Variants in RB1 observed in about 807,000 individuals in gnomAD.
The protein encoded by RB1 is RB transcriptional corepressor 1.
In RB1, 18 loss-of-function variants were observed where a neutral mutation model predicts 135.4. That is an observed-to-expected ratio of 0.13 (90% confidence interval 0.09 to 0.20). RB1 has a LOEUF of 0.20. RB1 is among the 10% of genes least tolerant of loss of function. RB1 has a pLI of 1.00. For synonymous variants in RB1, 365 were observed against 373.2 expected, an observed-to-expected ratio of 0.98 and a Z score of 0.25; for missense variants, 868 against 1,110.0, an observed-to-expected ratio of 0.78 and a Z score of 3.10.
At position 48,359,636 on chromosome 13, in the gene RB1, G is replaced by A. The variant is rs1030367711; in HGVS notation, c.608-381G>A. Among the ~76,000 whole-genome samples the A allele has an allele frequency of 6.1e-5, 9 of 148,662 alleles. No individual in the cohort carries two copies. The South Asian group carries it at 6.3e-4, about 10-fold the overall frequency. On this transcript the variant is annotated intron_variant, in intron 6 of 26. Coordinates refer to ENST00000267163, the MANE Select transcript of RB1 (RefSeq NM_000321.3). ...TTTATAAAATTAGAATTAAAGATTA[G>A]CATTTATCATACTTCAAAATCTTTC...
intron 17 of RB1, among the ~76,000 whole-genome samples, chr13:48,438,614 A>C (rs1449998925): frequency 6.6e-6 from 1 of 152,098 alleles, no homozygotes; most frequent in Non-Finnish European, 1.5e-5. Context: ...AAGGCTCTGA[A>C]ATCAAACAGT....
At chr13:48,413,064 A>T (rs1169919925) in intron 17 of RB1, 2 of 167,144 alleles carry the variant, frequency 1.2e-5, no homozygotes, top group African/African-American at 4.8e-5. Context: ...CTCTTGTTGA[A>T]TTGAGGCCTT....
intron 1 of RB1, among the ~76,000 whole-genome samples, chr13:48,305,551 C>G (rs1952073893): frequency 1.3e-5 from 2 of 152,116 alleles, no homozygotes; most frequent in South Asian, 2.1e-4. Flanking sequence ...TGTAGGGTAA[C>G]CAGGAATATT....
intron 2 of RB1, among the ~76,000 whole-genome samples, chr13:48,316,013 TTTTTTAC>T (rs1952178534): frequency 1.3e-5 from 2 of 152,286 alleles, no homozygotes; most frequent in Non-Finnish European, 2.9e-5. Flanking sequence ...CATCTATTGT[TTTTTTAC>T]TTTATTTTCC....
intron 2 of RB1, among the ~76,000 whole-genome samples, chr13:48,309,239 T>C (rs1008834494): frequency 6.6e-6 from 1 of 152,196 alleles, no homozygotes; most frequent in African/African-American, 2.4e-5. Flanking sequence ...ATTGCTAGAT[T>C]ACACTTCAGA....
intron 6 of RB1, among the ~76,000 whole-genome samples, chr13:48,349,648 C>T (rs1211366516): frequency 2.6e-5 from 4 of 151,824 alleles, no homozygotes; most frequent in Non-Finnish European, 5.9e-5. Context: ...CACAAAACAA[C>T]CAGAAAACAA....
At chr13:48,463,936 TTCTG>T in intron 21 of RB1, 101 bp downstream of exon 21, 1 of 748,256 alleles carries the variant, frequency 1.3e-6, no homozygotes, top group East Asian at 2.5e-5. Context: ...AGATCATATA[TTCTG>T]TCTGACCTTA....
chr13:48,397,669 A>T (rs909560250), intron 17 of RB1, among the ~76,000 whole-genome samples: 1 of 152,028 alleles, frequency 6.6e-6, no homozygotes, highest in East Asian at 1.9e-4. Context: ...TTTAAAATAT[A>T]TCTTTCAAAT....
intron 2 of RB1, 31 bp downstream of exon 2, chr13:48,307,437 T>G (rs771067281): frequency 3.7e-5 from 60 of 1,604,348 alleles, no homozygotes; most frequent in Non-Finnish European, 4.7e-5. Context: ...TTTTGAAATT[T>G]TTTTTTCTCA....
intron 23 of RB1, among the ~76,000 whole-genome samples, chr13:48,471,356 A>G (rs1244325668): frequency 3.0e-4 from 23 of 75,502 alleles, no homozygotes; most frequent in Non-Finnish European, 8.1e-5. Context: ...TGGGAATTGA[A>G]CAATGAGATC....
chr13:48,375,969 C>G (rs1309972123), intron 12 of RB1, among the ~76,000 whole-genome samples: 1 of 151,838 alleles, frequency 6.6e-6, no homozygotes, highest in African/African-American at 2.4e-5. Context: ...ATCTTTGTAG[C>G]TGATGAGAAT....
chr13:48,322,813 A>T (rs1952252603), intron 2 of RB1, among the ~76,000 whole-genome samples: 1 of 152,142 alleles, frequency 6.6e-6, no homozygotes, highest in Admixed American at 6.5e-5. Flanking sequence ...ATGGTGTAGT[A>T]TATTAGTTGA....
chr13:48,445,434 T>C (rs995541572), intron 17 of RB1, among the ~76,000 whole-genome samples: 1 of 152,248 alleles, frequency 6.6e-6, no homozygotes, highest in African/African-American at 2.4e-5. Context: ...CAACCTCTTC[T>C]TTAGCAACCT....
intron 19 of RB1, 27 bp downstream of exon 19, chr13:48,456,376 A>G (rs761452701): frequency 2.2e-5 from 35 of 1,611,990 alleles, no homozygotes; most frequent in Admixed American, 5.0e-5. Context: ...TTTCAAGAGC[A>G]TGGACTCTGA....
At chr13:48,324,935 AC>A (rs1952274223) in intron 2 of RB1, among the ~76,000 whole-genome samples, 1 of 151,902 alleles carries the variant, frequency 6.6e-6, no homozygotes, top group South Asian at 2.1e-4. Flanking sequence ...ATATGCATCA[AC>A]AATTTATTTA....
At position 48,354,429 on chromosome 13, in the gene RB1, G is replaced by A. The variant is rs566840121; in HGVS notation, c.607+5406G>A. On this transcript the variant is annotated intron_variant, in intron 6 of 26. Transcript: ENST00000267163. Reference sequence around the variant, plus strand: ...TAGAATACTGATGAAAGAAATTGAAGAGCACACCAAAAAAATGGAAAAAAA... The same window carrying A: ...TAGAATACTGATGAAAGAAATTGAAAAGCACACCAAAAAAATGGAAAAAAA... 3.3e-5 allele frequency among the ~76,000 whole-genome samples: 5 copies of A among 151,924 alleles called. No homozygotes were observed. In the East Asian group the frequency reaches 9.7e-4, roughly 29 times the overall value.
rs373527373 is a variant in RB1 at position 48,474,288 on chromosome 13, A to T, written c.2520+898A>T. On this transcript the variant is annotated intron_variant, in intron 24 of 26. Coordinates refer to ENST00000267163, the MANE Select transcript of RB1 (RefSeq NM_000321.3). ...TGAAAGTTCCAAGCTTCTACTCAAG[A>T]CTTGGTCTTTCTGGCAACCAGCTTC... Among the ~76,000 whole-genome samples the T allele has an allele frequency of 2.0e-4, 30 of 152,202 alleles. 1 individual carries two copies. In the South Asian group the frequency reaches 6.0e-3, roughly 31 times the overall value.
chr13:48,317,278 A>C, intron 2 of RB1: 1 of 400,236 alleles, frequency 2.5e-6, no homozygotes, highest in Non-Finnish European at 4.4e-6. Context: ...GGAGAAGCCC[A>C]CAAGGGGTAG....
intron 17 of RB1, among the ~76,000 whole-genome samples, chr13:48,409,621 G>A (rs539704868): frequency 4.4e-5 from 5 of 112,608 alleles, no homozygotes; most frequent in Admixed American, 2.8e-4. Flanking sequence ...TCGCTCTGTC[G>A]CCCGGCTGGA....
Sources: gnomAD v4.1 joint callset for allele counts (sites outside exome capture counted in the v4.1 genomes callset) on GRCh38, gnomAD v4.1.1 for gene constraint, MANE v1.5 for transcripts, NCBI Gene and HGNC (gene_info 2026-07-23, HGNC 2026-07-21) for gene names.